TTC39B: variants seen among roughly 807,000 people sequenced by gnomAD.
TTC39B encodes the protein tetratricopeptide repeat domain 39B.
A neutral mutation model predicts 96.6 loss-of-function variants in TTC39B; 92 were observed. The ratio of observed to expected loss-of-function variants is 0.95; its 90% CI spans 0.80 to 1.13. The LOEUF is 1.13. TTC39B is among the 50% of genes most tolerant of loss of function. The pLI is 0.00. For synonymous variants in TTC39B, 367 were observed against 299.4 expected (o/e 1.23, Z -2.33); for missense variants, 955 against 809.3 (o/e 1.18, Z -2.18).
chr9:15,174,636 A>G (rs1817832310), intron 19 of TTC39B, among the ~76,000 whole-genome samples: 1 of 152,222 alleles, frequency 6.6e-6, no homozygotes, highest in Non-Finnish European at 1.5e-5. Context: ...CTGTTTACAT[A>G]TTACCTTCTA....
intron 8 of TTC39B, among the ~76,000 whole-genome samples, 194 bp downstream of exon 8, chr9:15,199,667 G>A (rs959088125): frequency 1.4e-5 from 2 of 141,526 alleles, no homozygotes; most frequent in South Asian, 2.3e-4. Flanking sequence ...CCTGAGAGGC[G>A]GAGCTTGCAG....
At chr9:15,215,565 A>G (rs988525238) in intron 3 of TTC39B, among the ~76,000 whole-genome samples, 2 of 151,538 alleles carry the variant, frequency 1.3e-5, no homozygotes, top group South Asian at 2.1e-4. Flanking sequence ...CTCAAAAAAA[A>G]TAAATAAATG....
At chr9:15,226,627 T>A (rs1380333237) in intron 2 of TTC39B, among the ~76,000 whole-genome samples, 2 of 152,188 alleles carry the variant, frequency 1.3e-5, no homozygotes, top group African/African-American at 4.8e-5. Context: ...CAATGGTACT[T>A]ATTTTGTAAA....
chr9:15,233,582 T>C (rs1195535414), intron 2 of TTC39B, among the ~76,000 whole-genome samples: 3 of 151,504 alleles, frequency 2.0e-5, no homozygotes, highest in Non-Finnish European at 1.5e-5. Context: ...GGTCTCCAGC[T>C]CCTAACCGCC....
chr9:15,264,819 A>T (rs1385427014), intron 2 of TTC39B, among the ~76,000 whole-genome samples: 1 of 151,996 alleles, frequency 6.6e-6, no homozygotes, highest in Non-Finnish European at 1.5e-5. Flanking sequence ...CAAAAAGTAC[A>T]CAAAGGGGTT....
Position 15,192,698 on chromosome 9 carries a change from G to A in TTC39B, c.825-3C>T, listed in dbSNP as rs759937831. 2 of 1,607,116 alleles carry A rather than the reference G, an allele frequency of 1.2e-6. No individual in the cohort carries two copies. The highest frequency in any genetic ancestry group is 1.7e-5 in the Admixed American group (1 of 58,894). On this transcript the variant is annotated splice_polypyrimidine_tract_variant and splice_region_variant and intron_variant, in intron 8 of 19. Transcript: ENST00000512701. ...CATGCAGGATAGAAAGACATTCTCT[G>A]GGTTGAAGAAAAAAAGTGACAGCAT...
intron 10 of TTC39B, 31 bp downstream of exon 10, chr9:15,191,159 T>G (rs1313438585): frequency 6.8e-7 from 1 of 1,466,676 alleles, no homozygotes; most frequent in Admixed American, 1.7e-5. Context: ...TTATCTTCCC[T>G]GTCAAAATTA....
chr9:15,271,838 G>A (rs1276272251), intron 1 of TTC39B, among the ~76,000 whole-genome samples: 1 of 152,132 alleles, frequency 6.6e-6, no homozygotes, highest in African/African-American at 2.4e-5. Context: ...TTTCCTAATT[G>A]GTGGATGAAA....
chr9:15,224,977 G>C (rs1030065007), intron 3 of TTC39B, among the ~76,000 whole-genome samples: 1 of 152,100 alleles, frequency 6.6e-6, no homozygotes, highest in Non-Finnish European at 1.5e-5. Context: ...GCTAAGTAAA[G>C]GATCTGCTGT....
chr9:15,223,025 CA>C (rs1287751570), intron 3 of TTC39B, among the ~76,000 whole-genome samples: 46 of 152,296 alleles, frequency 3.0e-4, no homozygotes, highest in African/African-American at 9.9e-4. Flanking sequence ...ACAGTTGTTT[CA>C]ACAACTAGTT....
intron 2 of TTC39B, among the ~76,000 whole-genome samples, chr9:15,243,907 C>A (rs912821213): frequency 1.3e-5 from 2 of 152,134 alleles, no homozygotes; most frequent in South Asian, 4.1e-4. Context: ...AAAACATTTT[C>A]TTTTCATTTA....
At chr9:15,233,975 C>T (rs1009357955) in intron 2 of TTC39B, among the ~76,000 whole-genome samples, 3 of 150,410 alleles carry the variant, frequency 2.0e-5, no homozygotes, top group Non-Finnish European at 4.4e-5. Context: ...CGCCGCCCAT[C>T]GTCTGAGATG....
chr9:15,226,793 C>G (rs1214521134), intron 2 of TTC39B, among the ~76,000 whole-genome samples: 6 of 152,074 alleles, frequency 3.9e-5, no homozygotes, highest in Non-Finnish European at 7.4e-5. Flanking sequence ...GGGGGCAGGT[C>G]CACTCAGAGA....
rs367611509 is a variant in TTC39B, at chr9:15,201,580, G to A, written c.760-1655C>T. ...TTTGTAAGCAAAGTAAAACTCAAGT[G>A]GAAAGACAGGGTGGCATTAAGGATC... On this transcript the variant is annotated intron_variant, in intron 7 of 19. Coordinates refer to ENST00000512701, the Ensembl canonical transcript of TTC39B. Among the ~76,000 whole-genome samples the A allele has an allele frequency of 5.3e-5, 8 of 152,280 alleles. No homozygotes were observed. In the South Asian group the frequency reaches 1.0e-3, roughly 20 times the overall value.
Position 15,306,181 on chromosome 9 carries a change from T to C in TTC39B, c.240+903A>G, listed in dbSNP as rs762120462. ...CTCGCACAATTCAAGTCAGGTAAGA[T>C]GGCAGGAACAGCAGCTGTGGGTGCT... On this transcript the variant is annotated intron_variant, in intron 1 of 19. Transcript: ENST00000512701. This position sits in a 1 kb window ranked among gnomAD's most constrained non-coding sequence, Gnocchi z 5.1. Among the ~76,000 whole-genome samples, 1 of 152,226 alleles carries C rather than the reference T, an allele frequency of 6.6e-6. No individual in the cohort carries two copies. The highest frequency in any genetic ancestry group is 2.1e-4 in the South Asian group (1 of 4,834).
At chr9:15,261,672 C>A (rs992609120) in intron 2 of TTC39B, among the ~76,000 whole-genome samples, 2 of 152,152 alleles carry the variant, frequency 1.3e-5, no homozygotes, top group Non-Finnish European at 2.9e-5. Flanking sequence ...CTCTGACCCT[C>A]TGCACTGCCT....
intron 4 of TTC39B, 48 bp from the exon 5 acceptor site, chr9:15,211,445 T>C: frequency 1.4e-6 from 2 of 1,402,642 alleles, no homozygotes; most frequent in East Asian, 2.7e-5. Flanking sequence ...ATGGAAATAC[T>C]GATCATAAGA....
chr9:15,255,420 G>C (rs537511467), intron 2 of TTC39B, among the ~76,000 whole-genome samples: 5 of 152,202 alleles, frequency 3.3e-5, no homozygotes, highest in African/African-American at 9.6e-5. Flanking sequence ...GAAGGAAAAA[G>C]AAAGGAGACC....
At chr9:15,178,112 A>G (rs958236344) in intron 17 of TTC39B, among the ~76,000 whole-genome samples, 8 of 151,756 alleles carry the variant, frequency 5.3e-5, no homozygotes, top group Non-Finnish European at 1.2e-4. Flanking sequence ...CTCATGATCC[A>G]CCCACCTCGG....
Sources: allele counts gnomAD v4.1 joint callset (sites outside exome capture counted in the v4.1 genomes callset), GRCh38; gene constraint gnomAD v4.1.1; non-coding constraint Gnocchi (gnomAD v3.1); transcripts MANE v1.5; gene names NCBI Gene and HGNC (gene_info 2026-07-23, HGNC 2026-07-21).